Variants in PIEZO2 observed in about 807,000 individuals in gnomAD.
The protein encoded by PIEZO2 is piezo type mechanosensitive ion channel component 2.
PIEZO2 carries 172 observed loss-of-function variants against 337.3 expected under a neutral mutation model. That is an observed-to-expected ratio of 0.51 (90% CI 0.45 to 0.58). The LOEUF (loss-of-function observed/expected upper bound fraction) is 0.58. Among genes scored for constraint, PIEZO2 ranks in the 20% least tolerant of loss-of-function variants. The probability of loss-of-function intolerance (pLI) is 0.00; values close to 1 mark genes in which losing one functional copy is unlikely to be tolerated. For missense variants in PIEZO2, 3,028 were observed against 3,391.3 expected (o/e 0.89, Z 2.66); for synonymous variants, 1,251 against 1,228.5 (o/e 1.02, Z -0.38).
intron 4 of PIEZO2, among the ~76,000 whole-genome samples, chr18:10,882,966 G>A (rs1344099608): frequency 6.6e-6 from 1 of 150,880 alleles, no homozygotes; most frequent in Non-Finnish European, 1.5e-5. Flanking sequence ...AGCTTCCTGA[G>A]TAGCTGGAAC....
In PIEZO2 at chr18:10,757,840, A is replaced by G. The variant is rs1162140740; in HGVS notation, c.3923+129T>C. 6 of 1,034,734 alleles carry G rather than the reference A, an allele frequency of 5.8e-6. No individual in the cohort carries two copies. In the African/African-American group the frequency reaches 9.7e-5, roughly 17 times the overall value. 64.1% of individuals were successfully genotyped at this position (1,034,734 alleles called of 1,614,324 possible). A position where few individuals can be genotyped will look rare whatever the true frequency, so the allele number is the denominator to read the frequency against. ...AGGCTGCTGAACCACATTGTCCAGCATTTATTAACTTCAGTGTATACAATT... is the reference window on the plus strand; with the variant it reads ...AGGCTGCTGAACCACATTGTCCAGCGTTTATTAACTTCAGTGTATACAATT... On this transcript the variant is annotated intron_variant, in intron 27 of 55. Transcript: ENST00000674853.
rs1441010170 is a variant in PIEZO2 at position 10,991,734 on chromosome 18, G to C, written c.161-12074C>G. ...TACTAGAATGATTTATAATCCTTGG[G>C]GTATATACCTAGTAATGGGATTGCT... On this transcript the variant is annotated intron_variant, in intron 2 of 55. Coordinates refer to ENST00000674853, the MANE Select transcript of PIEZO2 (RefSeq NM_001378183.1). 2.0e-5 allele frequency among the ~76,000 whole-genome samples: 3 copies of C among 152,018 alleles called. No individual in the cohort carries two copies. The East Asian group carries it at 5.8e-4, about 29-fold the overall frequency.
intron 5 of PIEZO2, among the ~76,000 whole-genome samples, chr18:10,869,412 C>A (rs2042085656): frequency 6.6e-6 from 1 of 152,102 alleles, no homozygotes; most frequent in South Asian, 2.1e-4. Flanking sequence ...CACATATATA[C>A]CTATGTAACA....
chr18:10,975,749 T>C (rs1171404548), intron 3 of PIEZO2, among the ~76,000 whole-genome samples: 2 of 152,164 alleles, frequency 1.3e-5, no homozygotes, highest in Admixed American at 1.3e-4. Context: ...GCATTTTAAA[T>C]GGGGGAAAGA....
rs2036570205 is a variant in PIEZO2 at position 10,726,967 on chromosome 18, C to T, written c.5029+4440G>A. 5.9e-6 allele frequency: 8 copies of T among 1,346,992 alleles called. No homozygotes were observed. In the South Asian group the frequency reaches 1.0e-4, roughly 17 times the overall value. The allele number at this position is 1,346,992 out of a possible 1,614,324, so 83.4% of individuals were successfully genotyped here. A position where few individuals can be genotyped will look rare whatever the true frequency, so the allele number is the denominator to read the frequency against. Reference sequence around the variant, plus strand: ...TAGGTTGAGGGCTGCAGACAGAGGCCCTGGACAGAAGCTCCAGATAGGCCC... The same window carrying T: ...TAGGTTGAGGGCTGCAGACAGAGGCTCTGGACAGAAGCTCCAGATAGGCCC... On this transcript the variant is annotated intron_variant, in intron 36 of 55. Transcript: ENST00000674853. The surrounding 1 kb of genome is among the most constrained non-coding windows in gnomAD (Gnocchi z 5.9).
intron 7 of PIEZO2, among the ~76,000 whole-genome samples, chr18:10,814,181 G>C (rs1362572191): frequency 1.3e-5 from 2 of 151,976 alleles, no homozygotes; most frequent in African/African-American, 4.8e-5. Flanking sequence ...GTGTTAGCCA[G>C]GATGGTCTTG....
chr18:10,881,557 A>G (rs2042420730), intron 4 of PIEZO2, among the ~76,000 whole-genome samples: 1 of 152,124 alleles, frequency 6.6e-6, no homozygotes, highest in Non-Finnish European at 1.5e-5. Flanking sequence ...ACTCTTCCCA[A>G]TTCTGTGCTC....
In PIEZO2 at chr18:11,069,915, T is replaced by A. The variant is rs2038278612; in HGVS notation, c.65-3693A>T. Among the ~76,000 whole-genome samples the A allele has an allele frequency of 6.6e-6, 1 of 152,160 alleles. No homozygotes were observed. Among genetic ancestry groups the A allele is most frequent in the Non-Finnish European group, 1.5e-5 (1 of 68,032 alleles). On this transcript the variant is annotated intron_variant, in intron 1 of 55. Transcript: ENST00000674853. This position sits in a 1 kb window ranked among gnomAD's most constrained non-coding sequence, Gnocchi z 4.9. ...GAAAAAGAAATTTAAAAAATCCCATTCACAATAGCTACAAATAATACTTAG... is the reference window on the plus strand; with the variant it reads ...GAAAAAGAAATTTAAAAAATCCCATACACAATAGCTACAAATAATACTTAG...
At position 10,903,865 on chromosome 18, in the gene PIEZO2, A is replaced by G. The variant is rs1457563611; in HGVS notation, c.329+7321T>C. ...ATGTTCCCTGAAGTTAAGCTTTCAC[A>G]GACAACTCCCATCCCTGTCCCCCAA... On this transcript the variant is annotated intron_variant, in intron 4 of 55. Transcript: ENST00000674853. This position sits in a 1 kb window ranked among gnomAD's most constrained non-coding sequence, Gnocchi z 4.1. 6.6e-6 allele frequency among the ~76,000 whole-genome samples: 1 copy of G among 152,128 alleles called. No homozygotes were observed. Among genetic ancestry groups the G allele is most frequent in the Non-Finnish European group, 1.5e-5 (1 of 68,030 alleles).
At chr18:10,771,929 A>G (rs1447619729) in intron 20 of PIEZO2, among the ~76,000 whole-genome samples, 2 of 152,210 alleles carry the variant, frequency 1.3e-5, no homozygotes, top group Non-Finnish European at 2.9e-5. Flanking sequence ...TGCTGTGTTC[A>G]AGTCACTCTT....
intron 2 of PIEZO2, among the ~76,000 whole-genome samples, chr18:10,990,347 A>C: frequency 6.6e-6 from 1 of 152,162 alleles, no homozygotes; most frequent in East Asian, 1.9e-4. Flanking sequence ...TGAACAAATA[A>C]GAGTAACTAA....
chr18:10,978,733 G>C (rs138252213), intron 3 of PIEZO2, among the ~76,000 whole-genome samples: 45 of 152,180 alleles, frequency 3.0e-4, no homozygotes, highest in Non-Finnish European at 6.0e-4. Context: ...CCCACAAATG[G>C]GTTCCTCAAA....
chr18:11,067,046 C>T (rs1217749459), intron 1 of PIEZO2, among the ~76,000 whole-genome samples: 1 of 152,050 alleles, frequency 6.6e-6, no homozygotes, highest in Non-Finnish European at 1.5e-5. Context: ...AGTACAAAAT[C>T]GAAGCATACC....
rs139482927 is a variant in PIEZO2, at chr18:10,962,341, C to T, written c.286+17194G>A. Among the ~76,000 whole-genome samples, 512 of 152,294 alleles carry T rather than the reference C, an allele frequency of 3.4e-3. 7 individuals carry two copies. The highest frequency in any genetic ancestry group is 0.012 in the African/African-American group (493 of 41,564). ...TTCCTGGTCACTCACGGCCCTCCCT[C>T]GGCTCCCCACAGCCTCATACTCACA... is the stretch of plus-strand genomic sequence containing the variant. On this transcript the variant is annotated intron_variant, in intron 3 of 55. Transcript: ENST00000674853. This position sits in a 1 kb window ranked among gnomAD's most constrained non-coding sequence, Gnocchi z 4.1.
At position 10,746,280 on chromosome 18, in the gene PIEZO2, A is replaced by G. The variant is rs1454836836; in HGVS notation, c.4425-2049T>C. 6.6e-6 allele frequency among the ~76,000 whole-genome samples: 1 copy of G among 152,210 alleles called. No homozygotes were observed. The highest frequency in any genetic ancestry group is 2.4e-5 in the African/African-American group (1 of 41,450). On this transcript the variant is annotated intron_variant, in intron 30 of 55. Coordinates refer to ENST00000674853, the MANE Select transcript of PIEZO2 (RefSeq NM_001378183.1). This position sits in a 1 kb window ranked among gnomAD's most constrained non-coding sequence, Gnocchi z 4.2. ...TATTTCTAAAGACATATCTGGGCTG[A>G]TAGCCCCCTGAGGACCTGGCCTCTC...
At position 10,672,377 on chromosome 18, in the gene PIEZO2, C is replaced by A. The variant is rs891436544; in HGVS notation, c.8345+313G>T. Among the ~76,000 whole-genome samples the A allele has an allele frequency of 2.6e-5, 4 of 152,074 alleles. No homozygotes were observed. Among genetic ancestry groups the A allele is most frequent in the African/African-American group, 9.7e-5 (4 of 41,382 alleles). The stretch of plus-strand genomic sequence containing the variant: ...CATCTGCTAAGGATTAGAAGGAAAT[C>A]TAAGCAGAAAAGTGATATTTCTGTG... On this transcript the variant is annotated intron_variant, in intron 55 of 55. Coordinates refer to ENST00000674853, the MANE Select transcript of PIEZO2 (RefSeq NM_001378183.1). This position sits in a 1 kb window ranked among gnomAD's most constrained non-coding sequence, Gnocchi z 4.7.
chr18:10,876,746 A>T (rs1016431308), intron 4 of PIEZO2, among the ~76,000 whole-genome samples: 2 of 152,196 alleles, frequency 1.3e-5, no homozygotes, highest in African/African-American at 2.4e-5. Context: ...CAGCAAGCTC[A>T]GGCTTTTTAC....
rs1598336664 is a variant in PIEZO2, at chr18:10,671,620, T to C, written c.8505A>G (p.Glu2835=). The stretch of plus-strand genomic sequence containing the variant: ...CATAGAGATCTTCTTCTAGCTCCAG[T>C]TCTCCTGTCTCTCGAACTAAAAAAA... The part of the protein sequence containing the change: ...TDIFLVRETG[E]LELEEDLYAK... The change falls in exon 56 of 56, where the codon GAA becomes GAG. Residue 2835 remains glutamate (E), a synonymous_variant. Coordinates refer to ENST00000674853, the MANE Select transcript of PIEZO2 (RefSeq NM_001378183.1). 1.2e-6 allele frequency: 2 copies of C among 1,614,046 alleles called. No individual in the cohort carries two copies. Among genetic ancestry groups the C allele is most frequent in the Admixed American group, 1.7e-5 (1 of 60,024 alleles).
chr18:10,731,030 C>G, intron 36 of PIEZO2, among the ~76,000 whole-genome samples: 1 of 151,798 alleles, frequency 6.6e-6, no homozygotes. Flanking sequence ...CTGGCCTTAG[C>G]TTTTTCTAAG....
Sources: allele counts gnomAD v4.1 joint callset (sites outside exome capture counted in the v4.1 genomes callset), GRCh38; gene constraint gnomAD v4.1.1; non-coding constraint Gnocchi (gnomAD v3.1); transcripts MANE v1.5; gene names NCBI Gene and HGNC (gene_info 2026-07-23, HGNC 2026-07-21).